SDHC: variants seen among roughly 807,000 people sequenced by gnomAD.
SDHC encodes the protein succinate dehydrogenase cytochrome b560 subunit, mitochondrial.
Under a neutral mutation model 22.6 loss-of-function variants are expected in SDHC, and 11 were observed. That is an observed-to-expected ratio of 0.49 (90% confidence interval 0.31 to 0.81). The LOEUF (loss-of-function observed/expected upper bound fraction) is 0.81. Ranked by LOEUF, SDHC falls within the 30% of genes least tolerant of loss-of-function variation. SDHC has a pLI of 0.05. For missense variants in SDHC, 160 were observed against 212.0 expected (o/e 0.75, Z 1.52); for synonymous variants, 80 against 77.8 (o/e 1.03, Z -0.15).
intron 3 of SDHC, among the ~76,000 whole-genome samples, chr1:161,331,439 G>A (rs1671267733): frequency 6.6e-6 from 1 of 151,518 alleles, no homozygotes; most frequent in Non-Finnish European, 1.5e-5. Context: ...GCTAATTTTT[G>A]TATTTTTTTA....
chr1:161,320,222 T>TG (rs140910879), intron 1 of SDHC, among the ~76,000 whole-genome samples: 3,963 of 151,676 alleles, frequency 0.026, 181 homozygotes, highest in African/African-American at 0.09. Flanking sequence ...TGCCATCATA[T>TG]GGGGGGGGTG....
Position 161,323,698 on chromosome 1 carries a change from A to ATTTTT in SDHC, c.77+31_77+32insTTTTT, listed in dbSNP as rs371604278. 6 of 1,525,888 alleles carry ATTTTT rather than the reference A, an allele frequency of 3.9e-6. No homozygotes were observed. In the African/African-American group the frequency reaches 6.2e-5, roughly 16 times the overall value. The allele number at this position is 1,525,888 out of a possible 1,614,324, so 94.5% of individuals were successfully genotyped here. A position where few individuals can be genotyped will look rare whatever the true frequency, so the allele number is the denominator to read the frequency against. ...AAGTTTCTAAGTCTGGAGATTATTT[A>ATTTTT]TTTATTTTTTTTTTTGAGACGGAGT... On this transcript the variant is annotated intron_variant, in intron 2 of 5. Transcript: ENST00000367975.
At chr1:161,349,809 C>A (rs1672040682) in intron 4 of SDHC, among the ~76,000 whole-genome samples, 1 of 152,250 alleles carries the variant, frequency 6.6e-6, no homozygotes, top group Admixed American at 6.5e-5. Context: ...CTGTCACTAA[C>A]TGTGAGACCT....
At chr1:161,336,596 T>C (rs1671492725) in intron 3 of SDHC, among the ~76,000 whole-genome samples, 3 of 152,200 alleles carry the variant, frequency 2.0e-5, no homozygotes, top group Non-Finnish European at 4.4e-5. Context: ...AGGTGAGTCT[T>C]TCACTACCTT....
intron 2 of SDHC, among the ~76,000 whole-genome samples, chr1:161,327,685 C>G (rs1427803085): frequency 4.0e-5 from 6 of 151,880 alleles, no homozygotes; most frequent in African/African-American, 1.5e-4. Flanking sequence ...CCTCACCCTC[C>G]TAGGTAGGTG....
At chr1:161,355,517 A>T (rs1672239440) in intron 4 of SDHC, among the ~76,000 whole-genome samples, 1 of 152,196 alleles carries the variant, frequency 6.6e-6, no homozygotes, top group Non-Finnish European at 1.5e-5. Context: ...CTGTGAAACC[A>T]CTGCCTAATC....
At position 161,321,199 on chromosome 1, in the gene SDHC, A is replaced by T. The variant is rs529900340; in HGVS notation, c.21-2415A>T. On this transcript the variant is annotated intron_variant, in intron 1 of 5. Transcript: ENST00000367975. ...CCCCAATCCAGAGAAGAGTTTCAAA[A>T]ATGATTTCAGCAATGATTACATTTT... 2.6e-5 allele frequency among the ~76,000 whole-genome samples: 4 copies of T among 152,218 alleles called. No individual in the cohort carries two copies. In the South Asian group the frequency reaches 6.2e-4, roughly 24 times the overall value.
At chr1:161,347,958 G>C (rs1194786158) in intron 4 of SDHC, among the ~76,000 whole-genome samples, 1 of 152,130 alleles carries the variant, frequency 6.6e-6, no homozygotes, top group Non-Finnish European at 1.5e-5. Context: ...CTGCCATGCT[G>C]TAGACCATGA....
intron 3 of SDHC, chr1:161,339,477 C>G: frequency 2.9e-6 from 2 of 690,812 alleles, no homozygotes; most frequent in South Asian, 3.2e-5. Flanking sequence ...GCCACCATGC[C>G]AGCTCCAACT....
chr1:161,339,506 C>T (rs1274757068), intron 3 of SDHC: 2 of 974,870 alleles, frequency 2.1e-6, no homozygotes, highest in Non-Finnish European at 2.8e-6. Context: ...TGTCTTTGAC[C>T]CATGTTTCTC....
chr1:161,314,755 G>C (rs750857492), intron 1 of SDHC: 1 of 393,852 alleles, frequency 2.5e-6, no homozygotes, highest in East Asian at 4.2e-5. Flanking sequence ...TAACTTCAAG[G>C]TCAGCCACCC....
At chr1:161,342,621 A>G (rs1671761529) in intron 4 of SDHC, among the ~76,000 whole-genome samples, 1 of 150,956 alleles carries the variant, frequency 6.6e-6, no homozygotes, top group African/African-American at 2.4e-5. Flanking sequence ...GGTTCAAGCT[A>G]TTCTTCTGCC....
intron 3 of SDHC, among the ~76,000 whole-genome samples, chr1:161,336,239 A>G (rs1671475832): frequency 6.6e-6 from 1 of 152,112 alleles, no homozygotes; most frequent in African/African-American, 2.4e-5. Context: ...TGGGTGGATC[A>G]TGAGGTCAAG....
intron 4 of SDHC, among the ~76,000 whole-genome samples, chr1:161,354,434 G>C (rs1672194960): frequency 6.6e-6 from 1 of 152,090 alleles, no homozygotes; most frequent in African/African-American, 2.4e-5. Context: ...AAAATATCCT[G>C]TAGGACCTGT....
intron 1 of SDHC, chr1:161,314,648 G>T: frequency 3.3e-6 from 2 of 600,880 alleles, no homozygotes; most frequent in Non-Finnish European, 5.9e-6. Flanking sequence ...GTATCGAGGG[G>T]CCCTCGGCTC....
In SDHC at chr1:161,356,812, A is replaced by G. The variant is rs898854295; in HGVS notation, c.377A>G (p.Tyr126Cys). 4.8e-5 allele frequency: 78 copies of G among 1,613,948 alleles called. No individual in the cohort carries two copies. The highest frequency in any genetic ancestry group is 6.4e-5 in the Non-Finnish European group (75 of 1,180,004). The change falls in exon 5 of 6, where the codon TAT becomes TGT. Residue 126 changes from tyrosine (Y) to cysteine (C), a missense_variant. Tyr to Cys is a radical substitution (Grantham distance 194, BLOSUM62 -2). Transcript: ENST00000367975. ...TTTGCACTTGTCTTCCCTCTCATGT[A>G]TCATACCTGGAATGGGATCCGACAC... The part of the protein sequence containing the change: ...AKFALVFPLM[Y>C]HTWNGIRHLM...
rs781756162 is a variant in SDHC, at chr1:161,356,677, G to T, written c.242G>T (p.Gly81Val). The change falls in exon 5 of 6, where the codon GGG (glycine) becomes GTG (valine). Residue 81 changes from glycine to valine, a missense_variant and splice_region_variant. Physicochemically the swap from Gly to Val is moderately radical, Grantham distance 109. Transcript: ENST00000367975. Reference sequence around the variant, plus strand: ...ACAAGCTACTTGGTTTTCTCCTCAGGGGTCTCTCTTTTTGGCATGTCGGCC... The same window carrying T: ...ACAAGCTACTTGGTTTTCTCCTCAGTGGTCTCTCTTTTTGGCATGTCGGCC... ...HRGTGIALSA[G>V]VSLFGMSALL... The T allele has an allele frequency of 3.7e-6, 6 of 1,613,790 alleles. No homozygotes were observed. The South Asian group carries it at 6.6e-5, about 18-fold the overall frequency.
At chr1:161,351,790 G>A (rs1327032791) in intron 4 of SDHC, among the ~76,000 whole-genome samples, 1 of 152,230 alleles carries the variant, frequency 6.6e-6, no homozygotes, top group Admixed American at 6.5e-5. Context: ...GGAAATAAAA[G>A]AACAGTTATG....
chr1:161,362,181 A>G, intron 5 of SDHC, 148 bp from the exon 6 acceptor site: 1 of 913,368 alleles, frequency 1.1e-6, no homozygotes, highest in South Asian at 1.5e-5. Context: ...AGAAGGGTAA[A>G]GGTGGGGCAT....
Sources: allele counts gnomAD v4.1 joint callset (sites outside exome capture counted in the v4.1 genomes callset), GRCh38; gene constraint gnomAD v4.1.1; transcripts MANE v1.5; gene names NCBI Gene and HGNC (gene_info 2026-07-23, HGNC 2026-07-21).